Variants in PRDM10 observed in about 807,000 individuals in gnomAD.
PRDM10 encodes PR/SET domain 10, also known as PR domain zinc finger protein 10.
Under a neutral mutation model 133.1 loss-of-function variants are expected in PRDM10, and 65 were observed. The observed-to-expected ratio is 0.49, with a 90% confidence interval of 0.40 to 0.60. The LOEUF (loss-of-function observed/expected upper bound fraction) is 0.60. PRDM10 is among the 20% of genes least tolerant of loss of function. PRDM10 has a pLI of 0.00. For synonymous variants in PRDM10, 582 were observed against 580.4 expected (o/e 1.00, Z -0.04); for missense variants, 1,137 against 1,507.1 (o/e 0.75, Z 4.07).
intron 1 of PRDM10, among the ~76,000 whole-genome samples, chr11:129,979,647 A>G (rs1937991931): frequency 6.6e-6 from 1 of 152,220 alleles, no homozygotes; most frequent in Non-Finnish European, 1.5e-5. Flanking sequence ...TTTTTTGACC[A>G]GCACAGTCTG....
At chr11:129,976,454 A>C (rs1288145876) in intron 1 of PRDM10, among the ~76,000 whole-genome samples, 1 of 152,198 alleles carries the variant, frequency 6.6e-6, no homozygotes, top group East Asian at 1.9e-4. Flanking sequence ...CCCTGGTCTA[A>C]GCAGCTAACA....
At chr11:129,997,952 T>C (rs911173497) in intron 1 of PRDM10, among the ~76,000 whole-genome samples, 1 of 152,144 alleles carries the variant, frequency 6.6e-6, no homozygotes, top group Non-Finnish European at 1.5e-5. Context: ...AACCAAAAAA[T>C]ATTACATCTT....
chr11:129,979,674 A>C (rs904121371), intron 1 of PRDM10, among the ~76,000 whole-genome samples: 2 of 152,196 alleles, frequency 1.3e-5, no homozygotes, highest in African/African-American at 4.8e-5. Flanking sequence ...AAAGCTCTCG[A>C]GGAGAAACCA....
intron 8 of PRDM10, among the ~76,000 whole-genome samples, chr11:129,936,514 A>G (rs1951034723): frequency 6.6e-6 from 1 of 152,054 alleles, no homozygotes; most frequent in South Asian, 2.1e-4. Flanking sequence ...TTAGCCAGGC[A>G]TGGTGGAGGG....
chr11:129,951,083 C>T (rs995833447), intron 4 of PRDM10, among the ~76,000 whole-genome samples: 1 of 152,236 alleles, frequency 6.6e-6, no homozygotes, highest in African/African-American at 2.4e-5. Context: ...GAAAGAGCTG[C>T]TGACCATCAT....
At chr11:129,991,258 A>T (rs1055373643) in intron 1 of PRDM10, among the ~76,000 whole-genome samples, 1 of 152,262 alleles carries the variant, frequency 6.6e-6, no homozygotes, top group Non-Finnish European at 1.5e-5. Context: ...AGATATTTTA[A>T]TACATTTTCA....
At chr11:129,940,376 CA>C (rs1951168641) in intron 7 of PRDM10, among the ~76,000 whole-genome samples, 1 of 152,124 alleles carries the variant, frequency 6.6e-6, no homozygotes, top group Admixed American at 6.6e-5. Context: ...TAGATTTACT[CA>C]GCCAAGAATA....
chr11:129,982,466 TTTAA>T (rs907406294), intron 1 of PRDM10, among the ~76,000 whole-genome samples: 2 of 151,946 alleles, frequency 1.3e-5, no homozygotes, highest in African/African-American at 4.8e-5. Context: ...GTTTCGCCAA[TTTAA>T]TTATTTATGA....
Position 129,947,720 on chromosome 11 carries a change from T to G in PRDM10, c.295-350A>C. The G allele has an allele frequency of 2.2e-6, 1 of 454,812 alleles. No homozygotes were observed. The highest frequency in any genetic ancestry group is 3.9e-6 in the Non-Finnish European group (1 of 255,202). The allele number at this position is 454,812 out of a possible 1,614,324, so 28.2% of individuals were successfully genotyped here. Reference sequence around the variant, plus strand: ...GCGTCCTGACCCCACCCCTAAAACTTAATAAAACCTGGTCTCTTCCTGGCT... The same window carrying G: ...GCGTCCTGACCCCACCCCTAAAACTGAATAAAACCTGGTCTCTTCCTGGCT... On this transcript the variant is annotated intron_variant, in intron 4 of 20. Transcript: ENST00000360871. This position sits in a 1 kb window ranked among gnomAD's most constrained non-coding sequence, Gnocchi z 4.6.
chr11:129,991,762 T>C (rs1591704861), intron 1 of PRDM10, among the ~76,000 whole-genome samples: 1 of 149,062 alleles, frequency 6.7e-6, no homozygotes, highest in South Asian at 2.1e-4. Flanking sequence ...GAGGTTGCAG[T>C]GATCCGATAT....
chr11:129,928,145 G>A (rs559213527), intron 11 of PRDM10, among the ~76,000 whole-genome samples: 38 of 152,074 alleles, frequency 2.5e-4, no homozygotes, highest in East Asian at 7.7e-4. Flanking sequence ...TTTCTCCATC[G>A]CCCAGGCTGG....
At chr11:129,999,376 T>C (rs1939223818) in intron 1 of PRDM10, among the ~76,000 whole-genome samples, 1 of 152,202 alleles carries the variant, frequency 6.6e-6, no homozygotes, top group South Asian at 2.1e-4. Context: ...AGACACCAGA[T>C]CGAATTCTCC....
At chr11:129,961,703 G>C (rs1210438997) in intron 1 of PRDM10, among the ~76,000 whole-genome samples, 1 of 151,960 alleles carries the variant, frequency 6.6e-6, no homozygotes, top group Non-Finnish European at 1.5e-5. Context: ...CTCTATTTAA[G>C]AAAAAGAAAT....
chr11:129,961,463 C>T (rs548644491), intron 1 of PRDM10, among the ~76,000 whole-genome samples: 1 of 152,212 alleles, frequency 6.6e-6, no homozygotes, highest in African/African-American at 2.4e-5. Context: ...AGCAACCATG[C>T]CCAGCTAATT....
rs1307696877 is a variant in PRDM10, at chr11:129,915,789, G to T, written c.2397C>A (p.Ser799Arg). The change falls in exon 16 of 21, where the codon AGC becomes AGA. Residue 799 changes from serine (S) to arginine (R), a missense_variant. Ser to Arg is a moderately radical substitution (Grantham distance 110, BLOSUM62 -1). Around this residue, in one of 6 missense-constraint regions of PRDM10, gnomAD observed 65 missense variants for 151.1 expected, o/e 0.43. Coordinates refer to ENST00000360871, the MANE Select transcript of PRDM10 (RefSeq NM_199437.2). ...KNHPGAELPPSIRKLRPAGPG... is the reference protein window; with the variant it reads ...KNHPGAELPPRIRKLRPAGPG... ...GACCAGCGGGTCGGAGCTTCCGAAT[G>T]CTCGGTGGGAGCTCTGCTCCTGGGT... is the stretch of plus-strand genomic sequence containing the variant. 1 of 1,614,186 alleles carries T rather than the reference G, an allele frequency of 6.2e-7. No individual in the cohort carries two copies. Among genetic ancestry groups the T allele is most frequent in the Admixed American group, 1.7e-5 (1 of 60,026 alleles).
chr11:129,907,468 G>A (rs976586753), intron 19 of PRDM10, among the ~76,000 whole-genome samples: 20 of 152,102 alleles, frequency 1.3e-4, no homozygotes, highest in Admixed American at 1.3e-3. Flanking sequence ...GCAGTGCCGC[G>A]ATCTCGGCTC....
intron 1 of PRDM10, among the ~76,000 whole-genome samples, chr11:129,978,536 C>T (rs1017363097): frequency 2.6e-5 from 4 of 152,200 alleles, no homozygotes; most frequent in African/African-American, 9.7e-5. Flanking sequence ...TCAAAACCAA[C>T]CAACCGGGTG....
intron 1 of PRDM10, among the ~76,000 whole-genome samples, chr11:129,974,492 A>C (rs1022135429): frequency 6.6e-6 from 1 of 152,196 alleles, no homozygotes; most frequent in Non-Finnish European, 1.5e-5. Context: ...TGAACAGAAT[A>C]AGTAGAAGGT....
intron 1 of PRDM10, among the ~76,000 whole-genome samples, chr11:129,991,053 T>C (rs1251986770): frequency 5.3e-5 from 8 of 152,160 alleles, no homozygotes; most frequent in Admixed American, 3.9e-4. Context: ...AGGCATTTCT[T>C]GAAGTGGAAA....
Sources: gnomAD v4.1 joint callset for allele counts (sites outside exome capture counted in the v4.1 genomes callset) on GRCh38, gnomAD v4.1.1 for gene constraint, gnomAD v4.1.1 regional missense constraint, Gnocchi (gnomAD v3.1) non-coding constraint, MANE v1.5 for transcripts, NCBI Gene and HGNC (gene_info 2026-07-23, HGNC 2026-07-21) for gene names.